TPRG1: variants seen among roughly 807,000 people sequenced by gnomAD.
TPRG1 encodes tumor protein p63-regulated gene 1 protein.
TPRG1 carries 29 observed loss-of-function variants against 29.3 expected under a neutral mutation model. The observed-to-expected ratio is 0.99, with a 90% CI of 0.74 to 1.35. The LOEUF (loss-of-function observed/expected upper bound fraction) is 1.35. TPRG1 is among the 40% of genes most tolerant of loss of function. The probability of loss-of-function intolerance (pLI) is 0.00; values close to 1 mark genes in which losing one functional copy is unlikely to be tolerated. For missense variants in TPRG1, 327 were observed against 335.0 expected, an observed-to-expected ratio of 0.98 and a Z score of 0.19; for synonymous variants, 130 against 116.8, an observed-to-expected ratio of 1.11 and a Z score of -0.73.
chr3:189,197,750 G>C (rs1732778936), intron 1 of TPRG1, among the ~76,000 whole-genome samples: 1 of 152,186 alleles, frequency 6.6e-6, no homozygotes, highest in Non-Finnish European at 1.5e-5. Flanking sequence ...TGGATATGTA[G>C]ATTAAGTGGA....
chr3:189,143,519 C>T (rs1227974240), intron 3 of TPRG1, among the ~76,000 whole-genome samples: 2 of 152,180 alleles, frequency 1.3e-5, no homozygotes, highest in African/African-American at 4.8e-5. Context: ...CTCTGTCATA[C>T]AAAAGCTGCT....
chr3:189,198,398 C>T lies in TPRG1; in HGVS notation c.-9-8978C>T, dbSNP rs113022387. Among the ~76,000 whole-genome samples, 380 of 152,304 alleles carry T rather than the reference C, an allele frequency of 2.5e-3. 2 individuals are homozygous for T. Among genetic ancestry groups the T allele is most frequent in the Middle Eastern group, 6.8e-3 (2 of 294 alleles). ...TGCCATTATCTGCTCATGTTTCTGT[C>T]ACCTCCACTAGACTATGAGCTTCTA... On this transcript the variant is annotated intron_variant, in intron 1 of 5. Coordinates refer to ENST00000345063, the MANE Select transcript of TPRG1 (RefSeq NM_198485.4).
intron 1 of TPRG1, among the ~76,000 whole-genome samples, chr3:189,103,860 G>A (rs1719497227): frequency 6.6e-6 from 1 of 152,016 alleles, no homozygotes; most frequent in South Asian, 2.1e-4. Flanking sequence ...CCTCTAGCTG[G>A]CAAAAATCAC....
chr3:189,150,633 C>A (rs1725827036), intron 4 of TPRG1: 1 of 152,152 alleles, frequency 6.6e-6, no homozygotes, highest in African/African-American at 2.4e-5. Flanking sequence ...TCAATAACTG[C>A]TTTTTAAATG....
At chr3:189,121,920 G>T (rs960066631) in intron 1 of TPRG1, 1 of 151,994 alleles carries the variant, frequency 6.6e-6, no homozygotes, top group Non-Finnish European at 1.5e-5. Flanking sequence ...TATCATGCAG[G>T]ATCTTGTAAT....
At chr3:189,272,556 TAGA>T (rs1190605490) in intron 4 of TPRG1, among the ~76,000 whole-genome samples, 4 of 152,236 alleles carry the variant, frequency 2.6e-5, no homozygotes, top group Admixed American at 2.6e-4. Flanking sequence ...AGCTCAGTAG[TAGA>T]AGATTAAGCT....
At chr3:189,320,235 GC>G (rs1484287453) in intron 5 of TPRG1, among the ~76,000 whole-genome samples, 1 of 152,018 alleles carries the variant, frequency 6.6e-6, no homozygotes. Context: ...AATTTCAGAT[GC>G]CCTTTCATCT....
chr3:189,224,498 A>G (rs2108877129), intron 3 of TPRG1, among the ~76,000 whole-genome samples: 1 of 151,584 alleles, frequency 6.6e-6, no homozygotes, highest in East Asian at 1.9e-4. Flanking sequence ...CAACAACAAC[A>G]AAAAAACAAA....
intron 5 of TPRG1, among the ~76,000 whole-genome samples, chr3:189,311,668 G>A (rs1722511320): frequency 6.6e-6 from 1 of 151,946 alleles, no homozygotes; most frequent in Non-Finnish European, 1.5e-5. Context: ...ATGTCCTCAG[G>A]GATTTATAGT....
chr3:189,231,384 G>C (rs1257766784), intron 3 of TPRG1, among the ~76,000 whole-genome samples: 2 of 151,692 alleles, frequency 1.3e-5, no homozygotes, highest in Non-Finnish European at 2.9e-5. Context: ...TTATAGGCTT[G>C]AGGACTTCTC....
At chr3:189,281,445 A>C (rs1298417060) in intron 4 of TPRG1, among the ~76,000 whole-genome samples, 1 of 152,234 alleles carries the variant, frequency 6.6e-6, no homozygotes, top group African/African-American at 2.4e-5. Context: ...TGAAATGTAG[A>C]GGACAGCAAA....
intron 4 of TPRG1, among the ~76,000 whole-genome samples, chr3:189,070,916 GGTTGAGGGGATGAAGGAAGGCCT>G (rs2152153871): frequency 6.6e-6 from 1 of 152,188 alleles, no homozygotes; most frequent in East Asian, 1.9e-4. Context: ...CAAAGCTGAG[GGTTGAGGGGATGAAGGAAGGCCT>G]GTTGATTGAA....
intron 1 of TPRG1, among the ~76,000 whole-genome samples, chr3:189,122,071 G>T (rs551630227): frequency 6.6e-6 from 1 of 152,108 alleles, no homozygotes; most frequent in Admixed American, 6.6e-5. Flanking sequence ...CACATGCCTA[G>T]AATTGCTTTG....
intron 1 of TPRG1, among the ~76,000 whole-genome samples, chr3:189,123,149 G>A (rs1722031702): frequency 6.6e-6 from 1 of 152,140 alleles, no homozygotes; most frequent in Non-Finnish European, 1.5e-5. Flanking sequence ...CTCCTTTACT[G>A]AAGAGAAATA....
intron 4 of TPRG1, among the ~76,000 whole-genome samples, chr3:189,297,573 C>T (rs1720162952): frequency 6.6e-6 from 1 of 152,162 alleles, no homozygotes; most frequent in East Asian, 1.9e-4. Flanking sequence ...TTCAGGCCCA[C>T]TCCAGACCAG....
chr3:189,297,493 C>T (rs960875660), intron 4 of TPRG1, among the ~76,000 whole-genome samples: 1 of 152,134 alleles, frequency 6.6e-6, no homozygotes, highest in Non-Finnish European at 1.5e-5. Context: ...CCTCCCACTC[C>T]CTCTGACTAC....
intron 5 of TPRG1, among the ~76,000 whole-genome samples, chr3:189,311,719 A>AGTGTCAAT (rs1331706005): frequency 9.9e-5 from 15 of 152,166 alleles, no homozygotes; most frequent in African/African-American, 3.6e-4. Context: ...ATTGACACTA[A>AGTGTCAAT]ACTAGCTTGG....
chr3:189,308,008 T>G (rs1461470650), intron 4 of TPRG1, among the ~76,000 whole-genome samples: 1 of 152,140 alleles, frequency 6.6e-6, no homozygotes, highest in Admixed American at 6.6e-5. Flanking sequence ...ACCCCAAGAC[T>G]GCTTATGGAT....
At chr3:189,097,226 A>C (rs1718738295), upstream of TPRG1, among the ~76,000 whole-genome samples, 3 of 152,230 alleles carry the variant, frequency 2.0e-5, no homozygotes. Flanking sequence ...GGAGCTGTTA[A>C]GTTCCTGGTG....
Sources: gnomAD v4.1 joint callset for allele counts (sites outside exome capture counted in the v4.1 genomes callset) on GRCh38, gnomAD v4.1.1 for gene constraint, MANE v1.5 for transcripts, NCBI Gene and HGNC (gene_info 2026-07-23, HGNC 2026-07-21) for gene names.